Variants in TTC28 observed in about 807,000 individuals in gnomAD.
TTC28 encodes tetratricopeptide repeat protein 28.
A neutral mutation model predicts 198.0 loss-of-function variants in TTC28; 61 were observed. That is an observed-to-expected ratio of 0.31 (90% CI 0.25 to 0.38). The LOEUF (loss-of-function observed/expected upper bound fraction) is 0.38. Among genes scored for constraint, TTC28 ranks in the 10% least tolerant of loss-of-function variants. TTC28 has a pLI of 1.00. For missense variants in TTC28, 2,678 were observed against 3,164.0 expected (o/e 0.85, Z 3.69); for synonymous variants, 1,171 against 1,297.8 (o/e 0.90, Z 2.10).
At chr22:28,101,947 T>A (rs1942169362) in intron 8 of TTC28, among the ~76,000 whole-genome samples, 1 of 152,134 alleles carries the variant, frequency 6.6e-6, no homozygotes, top group African/African-American at 2.4e-5. Flanking sequence ...AGAGCCCAGG[T>A]GATGGCTATC....
At chr22:28,017,875 C>T (rs138680) in intron 13 of TTC28, among the ~76,000 whole-genome samples, 11 of 152,138 alleles carry the variant, frequency 7.2e-5, no homozygotes, top group African/African-American at 2.6e-4. Context: ...CAAGAACCAG[C>T]GATTAATGGG....
intron 2 of TTC28, among the ~76,000 whole-genome samples, chr22:28,383,260 T>C (rs1196479913): frequency 6.6e-6 from 1 of 152,222 alleles, no homozygotes; most frequent in African/African-American, 2.4e-5. Flanking sequence ...CTCCTGTACT[T>C]ATTACATCTA....
chr22:28,496,026 G>C (rs1327574474), intron 2 of TTC28, among the ~76,000 whole-genome samples: 2 of 151,988 alleles, frequency 1.3e-5, no homozygotes, highest in East Asian at 3.9e-4. Context: ...TAGGCTCATT[G>C]CTCCCTCCTC....
chr22:28,191,910 AT>A (rs1924817067), intron 5 of TTC28, among the ~76,000 whole-genome samples: 1 of 152,218 alleles, frequency 6.6e-6, no homozygotes, highest in Non-Finnish European at 1.5e-5. Flanking sequence ...GCAGACTTGA[AT>A]GACCCTGTCT....
At chr22:28,484,560 A>G (rs2048294382) in intron 2 of TTC28, among the ~76,000 whole-genome samples, 1 of 152,164 alleles carries the variant, frequency 6.6e-6, no homozygotes, top group South Asian at 2.1e-4. Flanking sequence ...CAACCTCAAC[A>G]AAACATCCTA....
intron 2 of TTC28, among the ~76,000 whole-genome samples, chr22:28,445,404 A>G (rs2047687551): frequency 6.6e-6 from 1 of 152,254 alleles, no homozygotes; most frequent in Non-Finnish European, 1.5e-5. Context: ...TCCAGGAATT[A>G]CCAAGGATAA....
chr22:28,553,812 G>A lies in TTC28; in HGVS notation c.381+75740C>T, dbSNP rs539980395. On this transcript the variant is annotated intron_variant, in intron 2 of 22. Coordinates refer to ENST00000397906, the MANE Select transcript of TTC28 (RefSeq NM_001145418.2). Reference sequence around the variant, plus strand: ...CGGGAGGTGAGGGGCACCTCTGCCCGGCTGCCCCTGCTGGGAAGTGAGGAG... The same window carrying A: ...CGGGAGGTGAGGGGCACCTCTGCCCAGCTGCCCCTGCTGGGAAGTGAGGAG... Among the ~76,000 whole-genome samples the A allele has an allele frequency of 1.7e-4, 26 of 151,804 alleles. No individual in the cohort carries two copies. In the South Asian group the frequency reaches 5.2e-3, roughly 30 times the overall value.
intron 5 of TTC28, among the ~76,000 whole-genome samples, chr22:28,270,541 C>A (rs973864115): frequency 6.6e-6 from 1 of 151,734 alleles, no homozygotes; most frequent in Non-Finnish European, 1.5e-5. Flanking sequence ...AAAAAAAAAA[C>A]CCACAAACTT....
At chr22:28,563,908 A>G (rs2049929879) in intron 2 of TTC28, among the ~76,000 whole-genome samples, 1 of 152,236 alleles carries the variant, frequency 6.6e-6, no homozygotes, top group Non-Finnish European at 1.5e-5. Flanking sequence ...TCCATTAACG[A>G]ATGAATGGAT....
At chr22:28,020,538 C>T (rs140442410) in intron 13 of TTC28, among the ~76,000 whole-genome samples, 42 of 152,200 alleles carry the variant, frequency 2.8e-4, no homozygotes, top group Admixed American at 1.8e-3. Context: ...GGGCTGGGCT[C>T]GTGAATCTTC....
intron 2 of TTC28, among the ~76,000 whole-genome samples, chr22:28,523,239 A>C (rs1387328287): frequency 2.6e-5 from 4 of 152,254 alleles, no homozygotes; most frequent in Non-Finnish European, 5.9e-5. Context: ...AAGCAGCATT[A>C]CTAGGCAGAC....
At chr22:28,310,521 T>C (rs2145820509) in intron 2 of TTC28, among the ~76,000 whole-genome samples, 1 of 152,276 alleles carries the variant, frequency 6.6e-6, no homozygotes, top group Non-Finnish European at 1.5e-5. Context: ...CAACACATCA[T>C]TCCTGGTTCA....
intron 2 of TTC28, among the ~76,000 whole-genome samples, chr22:28,569,430 A>G (rs2050027881): frequency 6.6e-6 from 1 of 152,136 alleles, no homozygotes; most frequent in African/African-American, 2.4e-5. Flanking sequence ...GATCTTAGAC[A>G]AAGATGACAA....
intron 2 of TTC28, among the ~76,000 whole-genome samples, chr22:28,382,981 A>G (rs186836666): frequency 6.6e-6 from 1 of 152,256 alleles, no homozygotes; most frequent in Admixed American, 6.5e-5. Flanking sequence ...ATGATGACCA[A>G]TTCTCAATCT....
intron 1 of TTC28, among the ~76,000 whole-genome samples, chr22:28,646,283 C>G (rs1370140665): frequency 6.6e-6 from 1 of 152,154 alleles, no homozygotes; most frequent in Non-Finnish European, 1.5e-5. Context: ...GGAATCAAAT[C>G]AGAAACTCAG....
At chr22:28,587,174 T>C (rs896236122) in intron 2 of TTC28, among the ~76,000 whole-genome samples, 2 of 152,140 alleles carry the variant, frequency 1.3e-5, no homozygotes, top group African/African-American at 4.8e-5. Context: ...CTAGGCAACA[T>C]GGTAAAACCC....
intron 12 of TTC28, among the ~76,000 whole-genome samples, chr22:28,038,498 C>T (rs927324749): frequency 6.6e-6 from 1 of 152,134 alleles, no homozygotes; most frequent in Non-Finnish European, 1.5e-5. Flanking sequence ...CCCTTCCTTA[C>T]ACCTTATACA....
chr22:28,627,849 A>G (rs1362379826), intron 2 of TTC28, among the ~76,000 whole-genome samples: 1 of 152,142 alleles, frequency 6.6e-6, no homozygotes, highest in Non-Finnish European at 1.5e-5. Flanking sequence ...CAATACTAGA[A>G]ATTCCATTAA....
chr22:28,175,073 A>T (rs1923034815), intron 5 of TTC28, among the ~76,000 whole-genome samples: 1 of 152,098 alleles, frequency 6.6e-6, no homozygotes, highest in Non-Finnish European at 1.5e-5. Flanking sequence ...ATGCAGAAGG[A>T]TGAGACTAGA....
Sources: gnomAD v4.1 joint callset for allele counts (sites outside exome capture counted in the v4.1 genomes callset) on GRCh38, gnomAD v4.1.1 for gene constraint, MANE v1.5 for transcripts, NCBI Gene and HGNC (gene_info 2026-07-23, HGNC 2026-07-21) for gene names.